Variants in HTATIP2 observed in about 807,000 individuals in gnomAD.
HTATIP2 encodes protein HTATIP2.
HTATIP2 carries 26 observed loss-of-function variants against 24.7 expected under a neutral mutation model. The observed-to-expected ratio is 1.05, with a 90% confidence interval of 0.77 to 1.46. HTATIP2 has a LOEUF of 1.46. HTATIP2 is among the 40% of genes most tolerant of loss of function. The pLI, the probability that HTATIP2 is intolerant of heterozygous loss-of-function variation, is 0.00. For missense variants in HTATIP2, 284 were observed against 289.6 expected, an observed-to-expected ratio of 0.98 and a Z score of 0.14; for synonymous variants, 99 against 113.2, an observed-to-expected ratio of 0.87 and a Z score of 0.79.
chr11:20,363,902 G>T lies in HTATIP2; in HGVS notation c.-336G>T, dbSNP rs2064662509. The stretch of plus-strand genomic sequence containing the variant: ...GCGTCGTGAGGACCCGGGGCCGGGG[G>T]CTGGCCCCAGGTAACCCCTCCGCGT... On this transcript the variant is annotated 5_prime_UTR_variant, in exon 1 of 5. Coordinates refer to ENST00000451739, the MANE Select transcript of HTATIP2 (RefSeq NM_001098522.2). 8.0e-7 allele frequency: 1 copy of T among 1,242,874 alleles called. No homozygotes were observed. Among genetic ancestry groups the T allele is most frequent in the Non-Finnish European group, 1.0e-6 (1 of 989,770 alleles). 77.0% of individuals were successfully genotyped at this position (1,242,874 alleles called of 1,614,324 possible).
intron 2 of HTATIP2, among the ~76,000 whole-genome samples, chr11:20,375,401 G>T (rs1173014593): frequency 6.6e-6 from 1 of 152,188 alleles, no homozygotes; most frequent in Admixed American, 6.6e-5. Flanking sequence ...GTGAAACCCT[G>T]TCTCTACTAA....
chr11:20,367,950 G>A (rs138258183), intron 2 of HTATIP2, among the ~76,000 whole-genome samples: 2,359 of 152,258 alleles, frequency 0.015, 69 homozygotes, highest in African/African-American at 0.054. Context: ...GCAAATGTTA[G>A]TGCGGGTACA....
At chr11:20,375,601 T>C (rs2133273615) in intron 2 of HTATIP2, among the ~76,000 whole-genome samples, 1 of 152,250 alleles carries the variant, frequency 6.6e-6, no homozygotes, top group Non-Finnish European at 1.5e-5. Context: ...TAGTCCAGTC[T>C]TCAGATTTGG....
rs1221475297 is a variant in HTATIP2, at chr11:20,363,955, G to A, written c.-283G>A. 1.6e-6 allele frequency: 2 copies of A among 1,243,948 alleles called. No homozygotes were observed. Among genetic ancestry groups the A allele is most frequent in the South Asian group, 3.8e-5 (1 of 26,116 alleles). The allele number at this position is 1,243,948 out of a possible 1,614,324, so 77.1% of individuals were successfully genotyped here. A position where few individuals can be genotyped will look rare whatever the true frequency, so the allele number is the denominator to read the frequency against. On this transcript the variant is annotated 5_prime_UTR_variant, in exon 1 of 5. Coordinates refer to ENST00000451739, the MANE Select transcript of HTATIP2 (RefSeq NM_001098522.2). Reference sequence around the variant, plus strand: ...GGGACCGAGCTGGGCCAGGTCTCCTGGCCGGGCCGGGGATACCGTGGGGTA... The same window carrying A: ...GGGACCGAGCTGGGCCAGGTCTCCTAGCCGGGCCGGGGATACCGTGGGGTA...
At chr11:20,369,671 G>A (rs183017491) in intron 2 of HTATIP2, among the ~76,000 whole-genome samples, 112 of 151,958 alleles carry the variant, frequency 7.4e-4, no homozygotes, top group African/African-American at 2.6e-3. Context: ...GAATACCTGT[G>A]CCTATATCCA....
chr11:20,367,323 A>G (rs776334653), intron 2 of HTATIP2, 42 bp downstream of exon 2: 12 of 1,613,102 alleles, frequency 7.4e-6, no homozygotes, highest in Non-Finnish European at 9.3e-6. Context: ...GCTGGCCAGT[A>G]ATATCAAGGA....
rs374478159 is a variant in HTATIP2, at chr11:20,382,168, T to C, written c.442-10T>C. The C allele has an allele frequency of 9.5e-5, 146 of 1,542,528 alleles. No homozygotes were observed. Among genetic ancestry groups the C allele is most frequent in the Non-Finnish European group, 1.2e-4 (139 of 1,115,164 alleles). On this transcript the variant is annotated splice_polypyrimidine_tract_variant and intron_variant, in intron 3 of 4. Transcript: ENST00000451739. ...CGATTAAATACTGAAAATGTGTTTT[T>C]TCTTAATAGGGAGAAGTAGAAGCCA... is the stretch of plus-strand genomic sequence containing the variant.
At chr11:20,376,877 T>A (rs1457589616) in intron 3 of HTATIP2, among the ~76,000 whole-genome samples, 160 bp downstream of exon 3, 2 of 152,194 alleles carry the variant, frequency 1.3e-5, no homozygotes, top group Non-Finnish European at 2.9e-5. Flanking sequence ...TAAACAGGAA[T>A]GATTGGAAAG....
rs1420363246 is a variant in HTATIP2 at position 20,383,309 on chromosome 11, C to G, written c.*104C>G. ...AGCATGTTTTAACTTTGTTGTTTTA[C>G]TATCCTCAGGCATCCATTCCAATCA... On this transcript the variant is annotated 3_prime_UTR_variant, in exon 5 of 5. Transcript: ENST00000451739. 1 of 813,038 alleles carries G rather than the reference C, an allele frequency of 1.2e-6. No individual in the cohort carries two copies. 50.4% of individuals were successfully genotyped at this position (813,038 alleles called of 1,614,324 possible).
intron 1 of HTATIP2, among the ~76,000 whole-genome samples, chr11:20,366,953 C>T (rs2064715318): frequency 6.6e-6 from 1 of 152,182 alleles, no homozygotes; most frequent in South Asian, 2.1e-4. Context: ...AAATCTGGAT[C>T]ACCCCTAGTC....
intron 2 of HTATIP2, among the ~76,000 whole-genome samples, chr11:20,370,851 G>A (rs572446819): frequency 9.9e-5 from 15 of 152,160 alleles, no homozygotes; most frequent in East Asian, 5.8e-4. Context: ...GGGTTTTACC[G>A]TGTTAGCCAG....
Position 20,364,051 on chromosome 11 carries a change from C to T in HTATIP2, c.-187C>T, listed in dbSNP as rs997700414. 14 of 1,350,328 alleles carry T rather than the reference C, an allele frequency of 1.0e-5. No individual in the cohort carries two copies. The highest frequency in any genetic ancestry group is 1.3e-5 in the Non-Finnish European group (14 of 1,051,974). The allele number at this position is 1,350,328 out of a possible 1,614,324, so 83.6% of individuals were successfully genotyped here. A position where few individuals can be genotyped will look rare whatever the true frequency, so the allele number is the denominator to read the frequency against. On this transcript the variant is annotated 5_prime_UTR_variant, in exon 1 of 5. Coordinates refer to ENST00000451739, the MANE Select transcript of HTATIP2 (RefSeq NM_001098522.2). ...GCTCGGGCCCCTTCCGATGGGTCTG[C>T]TGGCTCAGGTGCGGGCGATGGCCGG...
chr11:20,378,214 A>G (rs1200307176), intron 3 of HTATIP2, among the ~76,000 whole-genome samples: 1 of 152,196 alleles, frequency 6.6e-6, no homozygotes, highest in Non-Finnish European at 1.5e-5. Flanking sequence ...CCAGATGAAG[A>G]TCAGTGAGCC....
At position 20,377,066 on chromosome 11, in the gene HTATIP2, G is replaced by C. The variant is rs150069486; in HGVS notation, c.441+349G>C. Among the ~76,000 whole-genome samples, 1,021 of 151,910 alleles carry C rather than the reference G, an allele frequency of 6.7e-3. 12 individuals are homozygous for C. Among genetic ancestry groups the C allele is most frequent in the African/African-American group, 0.023 (964 of 41,422 alleles). On this transcript the variant is annotated intron_variant, in intron 3 of 4. Transcript: ENST00000451739. ...TGAGCGGAAAGAAGAGCTTTTATTT[G>C]TGTAGAGATTTGGAGAAATCTATCC... is the stretch of plus-strand genomic sequence containing the variant.
At position 20,382,219 on chromosome 11, in the gene HTATIP2, T is replaced by G. The variant is rs1848531060; in HGVS notation, c.483T>G (p.Arg161=). ...EAKVEELKFD[R]YSVFRPGVLL... is the part of the protein sequence containing the mutation. ...AGGTTGAAGAATTAAAATTTGATCG[T>G]TACTCTGTATTTAGGCCTGGGTAAG... The change falls in exon 4 of 5, where the codon CGT becomes CGG. Residue 161 remains arginine (R), a synonymous_variant. Coordinates refer to ENST00000451739, the MANE Select transcript of HTATIP2 (RefSeq NM_001098522.2). 2 of 1,587,010 alleles carry G rather than the reference T, an allele frequency of 1.3e-6. No homozygotes were observed. Among genetic ancestry groups the G allele is most frequent in the Non-Finnish European group, 1.7e-6 (2 of 1,155,494 alleles).
intron 3 of HTATIP2, among the ~76,000 whole-genome samples, chr11:20,380,671 CAAAAAAA>C (rs35392320): frequency 1.2e-5 from 1 of 81,882 alleles, no homozygotes; most frequent in Non-Finnish European, 2.3e-5. Context: ...GACTCCATCT[CAAAAAAA>C]AAAAAAAAAA....
intron 4 of HTATIP2, among the ~76,000 whole-genome samples, chr11:20,382,710 T>G (rs986156858): frequency 5.9e-5 from 9 of 152,118 alleles, no homozygotes; most frequent in African/African-American, 2.2e-4. Context: ...TTCTTCTTAG[T>G]GTATGCAGAC....
At chr11:20,373,493 C>T (rs1228093758) in intron 2 of HTATIP2, among the ~76,000 whole-genome samples, 2 of 152,122 alleles carry the variant, frequency 1.3e-5, no homozygotes, top group East Asian at 1.9e-4. Context: ...GAGACAGCGT[C>T]GGTCAGGAGA....
intron 3 of HTATIP2, among the ~76,000 whole-genome samples, chr11:20,381,665 T>C (rs1848523434): frequency 6.6e-6 from 1 of 152,090 alleles, no homozygotes; most frequent in African/African-American, 2.4e-5. Context: ...CAGAGATGCC[T>C]GCCATGAAAA....
Sources: allele counts gnomAD v4.1 joint callset (sites outside exome capture counted in the v4.1 genomes callset), GRCh38; gene constraint gnomAD v4.1.1; transcripts MANE v1.5; gene names NCBI Gene and HGNC (gene_info 2026-07-23, HGNC 2026-07-21).